The following PTPN22 variants were observed in gnomAD, a reference collection of about 807,000 sequenced individuals.
PTPN22 encodes protein tyrosine phosphatase non-receptor type 22, also known as tyrosine-protein phosphatase non-receptor type 22.
PTPN22 carries 85 observed loss-of-function variants against 103.3 expected under a neutral mutation model. The ratio of observed to expected loss-of-function variants is 0.82; its 90% CI spans 0.69 to 0.99. The LOEUF (loss-of-function observed/expected upper bound fraction) is 0.99. Ranked by LOEUF, PTPN22 falls within the 50% of genes least tolerant of loss-of-function variation. The pLI, the probability that PTPN22 is intolerant of heterozygous loss-of-function variation, is 0.00. For synonymous variants in PTPN22, 323 were observed against 310.2 expected, an observed-to-expected ratio of 1.04 and a Z score of -0.43; for missense variants, 865 against 936.9, an observed-to-expected ratio of 0.92 and a Z score of 1.00.
chr1:113,819,945 AT>A lies in PTPN22; in HGVS notation c.2282-292del, dbSNP rs540583559. ...AAGATCCAATATATCATGAATCAGC[AT>A]TTTTTTGTTTTTTTTTTTGAAATTC... On this transcript the variant is annotated intron_variant, in intron 19 of 20. Transcript: ENST00000359785. 4.2e-3 allele frequency: 803 copies of A among 192,424 alleles called. 4 individuals are homozygous for A. Among genetic ancestry groups the A allele is most frequent in the African/African-American group, 0.018 (767 of 42,716 alleles). 11.9% of individuals were successfully genotyped at this position (192,424 alleles called of 1,614,324 possible).
intron 3 of PTPN22, 54 bp downstream of exon 3, chr1:113,858,948 C>CT (rs1031986744): frequency 7.0e-6 from 11 of 1,581,864 alleles, no homozygotes; most frequent in African/African-American, 2.7e-5. Context: ...CAGCCCTCCC[C>CT]TTTTTTTGGG....
intron 10 of PTPN22, among the ~76,000 whole-genome samples, chr1:113,851,192 AC>A (rs1428212615): frequency 1.3e-5 from 2 of 149,928 alleles, no homozygotes; most frequent in African/African-American, 4.9e-5. Flanking sequence ...TCACTCTGTT[AC>A]CCAGGCTGGA....
At chr1:113,862,138 T>G (rs1331545452) in intron 1 of PTPN22, among the ~76,000 whole-genome samples, 1 of 151,836 alleles carries the variant, frequency 6.6e-6, no homozygotes, top group Non-Finnish European at 1.5e-5. Flanking sequence ...AAAAATTAGC[T>G]GGGCATGGTG....
At chr1:113,857,716 C>T (rs745310437) in intron 5 of PTPN22, 22 bp downstream of exon 5, 3 of 1,602,926 alleles carry the variant, frequency 1.9e-6, no homozygotes, top group Non-Finnish European at 1.7e-6. Context: ...TTAAGGTCAG[C>T]AGGTACTAGA....
At chr1:113,829,902 A>G (rs34209542) in intron 17 of PTPN22, 47 bp downstream of exon 17, 32,636 of 1,493,702 alleles carry the variant, frequency 0.022, 439 homozygotes, top group Non-Finnish European at 0.025. Context: ...TAATCTTTTA[A>G]CATTTTCATT....
Position 113,832,336 on chromosome 1 carries a change from C to T in PTPN22, c.2053+775G>A, listed in dbSNP as rs180882246. On this transcript the variant is annotated intron_variant, in intron 16 of 20. Transcript: ENST00000359785. ...CCCAGTAGCTGGGACTACAGGCACCCGCCACCACGCCCAGCTAATTTTTAG... is the reference window on the plus strand; with the variant it reads ...CCCAGTAGCTGGGACTACAGGCACCTGCCACCACGCCCAGCTAATTTTTAG... Among the ~76,000 whole-genome samples, 104 of 152,232 alleles carry T rather than the reference C, an allele frequency of 6.8e-4. 5 individuals are homozygous for T. In the South Asian group the frequency reaches 0.02, roughly 29 times the overall value.
intron 19 of PTPN22, among the ~76,000 whole-genome samples, chr1:113,822,216 A>G (rs1370209974): frequency 6.6e-6 from 1 of 152,190 alleles, no homozygotes; most frequent in Non-Finnish European, 1.5e-5. Flanking sequence ...ACTTGTAACT[A>G]AAGGATTTCT....
intron 10 of PTPN22, among the ~76,000 whole-genome samples, chr1:113,851,337 A>T (rs1664552461): frequency 6.6e-6 from 1 of 152,090 alleles, no homozygotes; most frequent in African/African-American, 2.4e-5. Flanking sequence ...TATTTTTAGT[A>T]GAGACAGGGT....
intron 1 of PTPN22, among the ~76,000 whole-genome samples, chr1:113,868,210 G>A (rs1437152630): frequency 6.6e-6 from 1 of 152,124 alleles, no homozygotes; most frequent in East Asian, 1.9e-4. Flanking sequence ...GAAGGAAGTG[G>A]AGACTGAAAT....
At chr1:113,814,496 G>A (rs986729907) in exon 21 of PTPN22, 1 of 157,986 alleles carries the variant, frequency 6.3e-6, no homozygotes, top group African/African-American at 2.5e-5. Flanking sequence ...CACAAAGTAA[G>A]TTTTTTTTTT....
chr1:113,848,692 A>G, intron 10 of PTPN22, 66 bp from the exon 11 acceptor site: 1 of 1,437,104 alleles, frequency 7.0e-7, no homozygotes, highest in Non-Finnish European at 9.6e-7. Context: ...CGACAGGACC[A>G]GATTTTAGGA....
exon 13 of PTPN22, chr1:113,838,287 A>T (rs1161319174): frequency 1.9e-6 from 3 of 1,614,024 alleles, no homozygotes; most frequent in Non-Finnish European, 2.5e-6. Context: ...TTGATTTAGC[A>T]GGGTGCAAAA....
chr1:113,829,935 G>C lies in PTPN22; in HGVS notation c.2134+14C>G. On this transcript the variant is annotated intron_variant, in intron 17 of 20. Coordinates refer to ENST00000359785, the Ensembl canonical transcript of PTPN22. ...ATTTTTATGATTTTTTTGAGAGAAA[G>C]TGCTACCACTTACAATCTTCATCGG... The C allele has an allele frequency of 3.2e-6, 5 of 1,569,182 alleles. No individual in the cohort carries two copies. Among genetic ancestry groups the C allele is most frequent in the Non-Finnish European group, 3.5e-6 (4 of 1,140,018 alleles).
chr1:113,865,367 A>T (rs1474751265), intron 1 of PTPN22, among the ~76,000 whole-genome samples: 5 of 151,886 alleles, frequency 3.3e-5, no homozygotes, highest in Non-Finnish European at 1.5e-5. Flanking sequence ...AGAGGTTAAG[A>T]GGCTTTGAAA....
chr1:113,835,017 G>GTAACAATTGTTCTAAT, intron 13 of PTPN22, 24 bp from the exon 14 acceptor site: 3 of 1,411,048 alleles, frequency 2.1e-6, no homozygotes, highest in Non-Finnish European at 1.9e-6. Context: ...CAAAAATATT[G>GTAACAATTGTTCTAAT]TAACAATTGT....
chr1:113,815,711 C>T (rs1016066018), intron 20 of PTPN22, among the ~76,000 whole-genome samples: 1 of 152,216 alleles, frequency 6.6e-6, no homozygotes, highest in Non-Finnish European at 1.5e-5. Context: ...CAGAGTCTTG[C>T]TCTGTCGCCC....
Position 113,854,466 on chromosome 1 carries a change from C to G in PTPN22, c.750+5G>C, listed in dbSNP as rs748786103. ...AATGGGAAGTGCCTGCTGAGAGAAA[C>G]TCACCCCATCTTTTAGCAACATCCA... On this transcript the variant is annotated splice_donor_5th_base_variant and intron_variant, in intron 9 of 20. Transcript: ENST00000359785. 8.7e-6 allele frequency: 14 copies of G among 1,611,576 alleles called. No individual in the cohort carries two copies. Among genetic ancestry groups the G allele is most frequent in the East Asian group, 4.5e-5 (2 of 44,846 alleles).
chr1:113,831,579 G>T (rs2101931170), intron 16 of PTPN22, among the ~76,000 whole-genome samples: 1 of 151,870 alleles, frequency 6.6e-6, no homozygotes, highest in South Asian at 2.1e-4. Context: ...AAAAAAAATA[G>T]CCTACTCACC....
At chr1:113,854,474 A>G (rs752252299) in exon 9 of PTPN22, 5 of 1,613,086 alleles carry the variant, frequency 3.1e-6, no homozygotes, top group Non-Finnish European at 4.2e-6. Context: ...AACTCACCCC[A>G]TCTTTTAGCA....
Sources: gnomAD v4.1 joint callset for allele counts (sites outside exome capture counted in the v4.1 genomes callset) on GRCh38, gnomAD v4.1.1 for gene constraint, MANE v1.5 for transcripts, NCBI Gene and HGNC (gene_info 2026-07-23, HGNC 2026-07-21) for gene names.